TENM3: variants seen among roughly 807,000 people sequenced by gnomAD.
The protein encoded by TENM3 is teneurin transmembrane protein 3.
TENM3 carries 63 observed loss-of-function variants against 255.1 expected under a neutral mutation model. The ratio of observed to expected loss-of-function variants is 0.25; its 90% CI spans 0.20 to 0.30. The LOEUF (loss-of-function observed/expected upper bound fraction) is 0.30, where lower values mean the gene tolerates loss of function less well. Ranked by LOEUF, TENM3 falls within the 10% of genes least tolerant of loss-of-function variation. The pLI is 1.00. For synonymous variants in TENM3, 1,306 were observed against 1,322.3 expected, an observed-to-expected ratio of 0.99 and a Z score of 0.27; for missense variants, 2,929 against 3,461.1, an observed-to-expected ratio of 0.85 and a Z score of 3.86.
At chr4:182,100,494 T>TAC in the TENM3 span, among the ~76,000 whole-genome samples, 20 of 133,626 alleles carry the variant, frequency 1.5e-4, no homozygotes, top group Non-Finnish European at 2.1e-4. Flanking sequence ...TATATATATA[T>TAC]ACACACACAC....
chr4:181,817,483 T>G, the TENM3 span, among the ~76,000 whole-genome samples: 1 of 152,188 alleles, frequency 6.6e-6, no homozygotes, highest in Non-Finnish European at 1.5e-5. Flanking sequence ...CCTTGTAGAC[T>G]GTGCTTTTTA....
the TENM3 span, among the ~76,000 whole-genome samples, chr4:182,100,774 C>T: frequency 6.0e-5 from 2 of 33,166 alleles, no homozygotes; most frequent in African/African-American, 1.3e-4. Context: ...TATATATACA[C>T]ATATATATAC....
intron 3 of TENM3, among the ~76,000 whole-genome samples, chr4:182,559,361 C>T (rs1423173454): frequency 6.6e-6 from 1 of 151,992 alleles, no homozygotes; most frequent in African/African-American, 2.4e-5. Context: ...TTCGTTGTTT[C>T]CATAGAAATG....
chr4:182,318,749 C>A (rs1762885143), intron 1 of TENM3, among the ~76,000 whole-genome samples: 1 of 152,080 alleles, frequency 6.6e-6, no homozygotes, highest in Non-Finnish European at 1.5e-5. Context: ...TTGCTGTAGC[C>A]AGTTCAATCA....
chr4:181,641,550 G>GTATATATATATATATA, the TENM3 span, among the ~76,000 whole-genome samples: 6 of 49,038 alleles, frequency 1.2e-4, no homozygotes, highest in African/African-American at 6.6e-4. Flanking sequence ...TCCATGGTGT[G>GTATATATATATATATA]TGTGTATATA....
At chr4:181,652,343 T>G in the TENM3 span, among the ~76,000 whole-genome samples, 1 of 152,170 alleles carries the variant, frequency 6.6e-6, no homozygotes, top group Non-Finnish European at 1.5e-5. Flanking sequence ...CCAAACATTT[T>G]GACTCCTTTC....
rs554658765 is a variant in TENM3, at chr4:182,250,896, C to A, written c.-76+7420C>A. ...ACTGTCACCTGATTCCAGCTGGAAG[C>A]TTATTTAATGGTGCGGCATTTCAGA... On this transcript the variant is annotated intron_variant, in intron 1 of 27. Coordinates refer to ENST00000511685, the MANE Select transcript of TENM3 (RefSeq NM_001080477.4). Among the ~76,000 whole-genome samples the A allele has an allele frequency of 3.2e-4, 48 of 152,288 alleles. 1 individual carries two copies. The South Asian group carries it at 9.5e-3, about 30-fold the overall frequency.
the TENM3 span, among the ~76,000 whole-genome samples, chr4:181,620,186 A>G: frequency 5.9e-5 from 9 of 152,188 alleles, no homozygotes; most frequent in African/African-American, 2.2e-4. Context: ...ACTTGATCCC[A>G]GGAAATCGAG....
At chr4:182,508,897 A>G (rs980684988) in intron 3 of TENM3, among the ~76,000 whole-genome samples, 17 of 152,232 alleles carry the variant, frequency 1.1e-4, no homozygotes, top group African/African-American at 3.4e-4. Context: ...AATAAATTAC[A>G]TGCCAGCTAT....
the TENM3 span, among the ~76,000 whole-genome samples, chr4:181,835,835 A>G: frequency 4.6e-5 from 7 of 152,226 alleles, no homozygotes; most frequent in African/African-American, 1.7e-4. Flanking sequence ...AGTAGCCAGT[A>G]ATTACATTTG....
the TENM3 span, among the ~76,000 whole-genome samples, chr4:181,494,442 G>A: frequency 6.6e-6 from 1 of 151,894 alleles, no homozygotes; most frequent in Non-Finnish European, 1.5e-5. Context: ...CCGCCACCAC[G>A]CCCAGCTAAT....
chr4:182,696,135 A>G (rs1315075871), intron 12 of TENM3, among the ~76,000 whole-genome samples: 2 of 152,230 alleles, frequency 1.3e-5, no homozygotes, highest in Admixed American at 1.3e-4. Context: ...TCAACTCAGC[A>G]TATTTAAGAT....
chr4:181,544,975 CTT>C, the TENM3 span, among the ~76,000 whole-genome samples: 2 of 152,188 alleles, frequency 1.3e-5, no homozygotes, highest in African/African-American at 4.8e-5. Flanking sequence ...CTCTCAGACA[CTT>C]TATAATTCTG....
the TENM3 span, among the ~76,000 whole-genome samples, chr4:182,034,981 C>T: frequency 2.0e-5 from 3 of 152,060 alleles, no homozygotes; most frequent in East Asian, 5.8e-4. Flanking sequence ...GTGTGTTTTC[C>T]AGCTTGGTTC....
chr4:182,004,073 G>A, the TENM3 span, among the ~76,000 whole-genome samples: 7 of 152,070 alleles, frequency 4.6e-5, no homozygotes, highest in Non-Finnish European at 1.0e-4. Flanking sequence ...TATGTTAAAA[G>A]TATTTTTTTC....
At chr4:182,171,971 A>T (rs972727836) in intron 1 of TENM3, among the ~76,000 whole-genome samples, 6 of 151,836 alleles carry the variant, frequency 4.0e-5, no homozygotes, top group African/African-American at 1.5e-4. Context: ...TTTGACTTCA[A>T]AAGAGGTCTT....
chr4:181,903,835 G>A, the TENM3 span, among the ~76,000 whole-genome samples: 1 of 152,024 alleles, frequency 6.6e-6, no homozygotes, highest in Non-Finnish European at 1.5e-5. Context: ...CTCATTCTGG[G>A]CCTGATCACT....
the TENM3 span, among the ~76,000 whole-genome samples, chr4:181,657,500 T>G: frequency 1.3e-5 from 2 of 152,120 alleles, no homozygotes; most frequent in Non-Finnish European, 2.9e-5. Flanking sequence ...ATGGCCATTA[T>G]TAAAAGTCAG....
chr4:182,582,598 A>C (rs1458724861), intron 3 of TENM3, among the ~76,000 whole-genome samples: 1 of 150,638 alleles, frequency 6.6e-6, no homozygotes, highest in African/African-American at 2.4e-5. Flanking sequence ...TAAATTACTT[A>C]TAACCAACAA....
Sources: gnomAD v4.1 joint callset for allele counts (sites outside exome capture counted in the v4.1 genomes callset) on GRCh38, gnomAD v4.1.1 for gene constraint, MANE v1.5 for transcripts, NCBI Gene and HGNC (gene_info 2026-07-23, HGNC 2026-07-21) for gene names.